The following IL1R1 variants were observed in gnomAD, a reference collection of about 807,000 sequenced individuals.
The protein encoded by IL1R1 is interleukin 1 receptor type 1, also known as interleukin-1 receptor type 1.
In IL1R1, 22 loss-of-function variants were observed where a neutral mutation model predicts 50.2. That is an observed-to-expected ratio of 0.44 (90% CI 0.31 to 0.63). The LOEUF is 0.63. IL1R1 is among the 20% of genes least tolerant of loss of function. The probability of loss-of-function intolerance (pLI) is 0.07; values close to 1 mark genes in which losing one functional copy is unlikely to be tolerated. For synonymous variants in IL1R1, 251 were observed against 236.7 expected (o/e 1.06, Z -0.55); for missense variants, 509 against 676.2 (o/e 0.75, Z 2.74).
At chr2:102,129,258 C>CAACAAA (rs972899966) in intron 1 of IL1R1, among the ~76,000 whole-genome samples, 1 of 50,674 alleles carries the variant, frequency 2.0e-5, no homozygotes, top group African/African-American at 5.5e-5. Flanking sequence ...CAAAAACCTA[C>CAACAAA]AACAACAACA....
chr2:102,081,821 C>T (rs148276316), intron 1 of IL1R1, among the ~76,000 whole-genome samples: 101 of 152,294 alleles, frequency 6.6e-4, no homozygotes, highest in African/African-American at 2.1e-3. Context: ...CTCTTGATTA[C>T]GTTGGTGGCT....
chr2:102,115,472 C>T (rs934708021), intron 1 of IL1R1, among the ~76,000 whole-genome samples: 3 of 152,212 alleles, frequency 2.0e-5, no homozygotes, highest in African/African-American at 7.2e-5. Context: ...AACATCTGCT[C>T]TGTTCAAGTT....
chr2:102,136,293 G>A (rs1271033027), intron 1 of IL1R1, among the ~76,000 whole-genome samples: 2 of 151,774 alleles, frequency 1.3e-5, no homozygotes, highest in Admixed American at 6.6e-5. Flanking sequence ...TGGTCCTATC[G>A]CCTCTTCTCC....
intron 1 of IL1R1, among the ~76,000 whole-genome samples, chr2:102,082,382 C>G (rs987278432): frequency 2.6e-5 from 4 of 152,094 alleles, no homozygotes; most frequent in African/African-American, 9.7e-5. Context: ...AAAGGATTAT[C>G]TTGTTTGTTC....
intron 1 of IL1R1, among the ~76,000 whole-genome samples, chr2:102,111,758 C>G (rs1455263208): frequency 1.3e-5 from 2 of 152,142 alleles, no homozygotes; most frequent in East Asian, 3.9e-4. Flanking sequence ...CAGGGGCCTG[C>G]TTGGTGCCAG....
intron 10 of IL1R1, 41 bp downstream of exon 10, chr2:102,174,771 A>T: frequency 6.5e-7 from 1 of 1,543,056 alleles, no homozygotes; most frequent in Non-Finnish European, 8.8e-7. Flanking sequence ...TGTTGGAGAT[A>T]AGGGATAGTT....
chr2:102,172,499 G>A (rs991108034), intron 8 of IL1R1, 188 bp from the exon 9 acceptor site: 15 of 1,144,592 alleles, frequency 1.3e-5, no homozygotes, highest in African/African-American at 3.2e-5. Flanking sequence ...GTTACTGACA[G>A]TGGTCTTGGG....
chr2:102,174,607 A>G lies in IL1R1; in HGVS notation c.1012A>G (p.Met338Val), dbSNP rs201805817. The change falls in exon 10 of 12, where the codon ATG (methionine) becomes GTG (valine). Residue 338 changes from methionine to valine, a missense_variant. By Grantham distance (21) the Met-to-Val change is conservative (BLOSUM62 1). Coordinates refer to ENST00000410023, the MANE Select transcript of IL1R1 (RefSeq NM_000877.4). ...TATAGTCACTAATTTCCAGAAGCAC[A>G]TGATTGGTATATGTGTCACGTTGAC... ...IYPVTNFQKH[M>V]IGICVTLTVI... The G allele has an allele frequency of 1.3e-6, 2 of 1,583,054 alleles. No homozygotes were observed. Among genetic ancestry groups the G allele is most frequent in the Non-Finnish European group, 8.6e-7 (1 of 1,168,842 alleles).
At chr2:102,089,995 G>A (rs190909131) in intron 1 of IL1R1, among the ~76,000 whole-genome samples, 3,693 of 151,336 alleles carry the variant, frequency 0.024, 156 homozygotes, top group African/African-American at 0.085. Context: ...CACCACACCC[G>A]GCTAATTTTT....
chr2:102,166,477 A>C (rs1487944196), intron 6 of IL1R1, among the ~76,000 whole-genome samples, 196 bp downstream of exon 6: 1 of 152,160 alleles, frequency 6.6e-6, no homozygotes, highest in Non-Finnish European at 1.5e-5. Flanking sequence ...CTTCAGATGT[A>C]GTTCTAATTA....
chr2:102,161,217 A>G (rs562237500), intron 3 of IL1R1, among the ~76,000 whole-genome samples: 120 of 152,156 alleles, frequency 7.9e-4, no homozygotes, highest in Non-Finnish European at 1.4e-3. Flanking sequence ...GAGTATGTTA[A>G]TTTTCAAATA....
chr2:102,121,364 C>G (rs1577894879), intron 1 of IL1R1, among the ~76,000 whole-genome samples: 1 of 152,226 alleles, frequency 6.6e-6, no homozygotes, highest in East Asian at 1.9e-4. Flanking sequence ...TTGCCAGAGG[C>G]AGCCCTTGCA....
At chr2:102,117,710 A>T (rs1264099860) in intron 1 of IL1R1, among the ~76,000 whole-genome samples, 1 of 152,098 alleles carries the variant, frequency 6.6e-6, no homozygotes, top group African/African-American at 2.4e-5. Flanking sequence ...AGGGAGGTGT[A>T]GTAAGGATTT....
intron 1 of IL1R1, among the ~76,000 whole-genome samples, chr2:102,134,029 TAATA>T (rs1157881458): frequency 6.6e-6 from 1 of 152,224 alleles, no homozygotes; most frequent in Non-Finnish European, 1.5e-5. Flanking sequence ...CTACTAGAAC[TAATA>T]AATGAGTTTT....
At chr2:102,109,845 G>A (rs1352042384) in intron 1 of IL1R1, among the ~76,000 whole-genome samples, 2 of 152,178 alleles carry the variant, frequency 1.3e-5, no homozygotes, top group East Asian at 1.9e-4. Flanking sequence ...ATGGAGTATG[G>A]TGAGTGCTAG....
chr2:102,176,541 A>G lies in IL1R1; in HGVS notation c.1492A>G (p.Lys498Glu), dbSNP rs547923880. The G allele has an allele frequency of 4.8e-5, 77 of 1,614,208 alleles. No individual in the cohort carries two copies. The African/African-American group carries it at 9.5e-4, about 20-fold the overall frequency. The change falls in exon 12 of 12, where the codon AAA becomes GAA. Residue 498 changes from lysine (K) to glutamate (E), a missense_variant. Coordinates refer to ENST00000410023, the MANE Select transcript of IL1R1 (RefSeq NM_000877.4). Reference protein sequence around the residue: ...LELEKIQDYEKMPESIKFIKQ... With the variant: ...LELEKIQDYEEMPESIKFIKQ... ...GCTGGAGAAAATCCAAGACTATGAG[A>G]AAATGCCAGAATCGATTAAATTCAT...
chr2:102,074,166 ATCTATTGCTGTGTAACTACC>A (rs1678858733), intron 1 of IL1R1, among the ~76,000 whole-genome samples: 1 of 152,190 alleles, frequency 6.6e-6, no homozygotes. Flanking sequence ...TGTTTTAGTA[ATCTATTGCTGTGTAACTACC>A]TCTTCCCCTA....
At chr2:102,084,704 G>A (rs755424793) in intron 1 of IL1R1, among the ~76,000 whole-genome samples, 4 of 152,044 alleles carry the variant, frequency 2.6e-5, no homozygotes, top group South Asian at 2.1e-4. Flanking sequence ...GAGTATTTTT[G>A]TATACATACT....
At chr2:102,129,139 A>G (rs1041430500) in intron 1 of IL1R1, among the ~76,000 whole-genome samples, 4 of 152,150 alleles carry the variant, frequency 2.6e-5, no homozygotes, top group African/African-American at 9.7e-5. Flanking sequence ...TGAGCCCAGG[A>G]GATTGAGGCT....
Sources: allele counts gnomAD v4.1 joint callset (sites outside exome capture counted in the v4.1 genomes callset), GRCh38; gene constraint gnomAD v4.1.1; transcripts MANE v1.5; gene names NCBI Gene and HGNC (gene_info 2026-07-23, HGNC 2026-07-21).